Variants in STK24 observed in about 807,000 individuals in gnomAD.
STK24 encodes the protein serine/threonine kinase 24, also known as serine/threonine-protein kinase 24.
A neutral mutation model predicts 55.6 loss-of-function variants in STK24; 21 were observed. The observed-to-expected ratio is 0.38, with a 90% CI of 0.27 to 0.54. The LOEUF (loss-of-function observed/expected upper bound fraction) is 0.54, where lower values mean the gene tolerates loss of function less well. Ranked by LOEUF, STK24 falls within the 20% of genes least tolerant of loss-of-function variation. The pLI, the probability that STK24 is intolerant of heterozygous loss-of-function variation, is 0.79. For missense variants in STK24, 383 were observed against 538.4 expected (o/e 0.71, Z 2.86); for synonymous variants, 200 against 215.2 (o/e 0.93, Z 0.62).
chr13:98,556,537 A>AACAACAAC (rs368041073), intron 1 of STK24, among the ~76,000 whole-genome samples: 7 of 152,132 alleles, frequency 4.6e-5, no homozygotes, highest in South Asian at 4.1e-4. Context: ...ACAACAACAA[A>AACAACAAC]AAAATCACTG....
chr13:98,576,151 C>G, intron 1 of STK24: 4 of 985,240 alleles, frequency 4.1e-6, no homozygotes, highest in Non-Finnish European at 4.8e-6. Context: ...TCCCCCGGTC[C>G]GCAGGTGCAC....
chr13:98,576,044 T>G (rs1024901243), intron 1 of STK24: 1 of 984,820 alleles, frequency 1.0e-6, no homozygotes, highest in African/African-American at 1.8e-5. Flanking sequence ...CAACCAAGTC[T>G]CAAAGTGAAA....
At chr13:98,483,295 G>A (rs183015273) in intron 2 of STK24, among the ~76,000 whole-genome samples, 12 of 152,264 alleles carry the variant, frequency 7.9e-5, no homozygotes, top group East Asian at 1.9e-4. Flanking sequence ...GGCACGGGAC[G>A]CCACCGCCAG....
Position 98,500,143 on chromosome 13 carries a change from A to T in STK24, c.274-17822T>A, listed in dbSNP as rs553041902. ...AAACAAAACCATTTAAAACATTAAT[A>T]TGCTATTTCAGGAATTGCCTTTTAT... is the stretch of plus-strand genomic sequence containing the variant. On this transcript the variant is annotated intron_variant, in intron 2 of 10. Coordinates refer to ENST00000539966, the MANE Select transcript of STK24 (RefSeq NM_001032296.4). Among the ~76,000 whole-genome samples, 10 of 152,358 alleles carry T rather than the reference A, an allele frequency of 6.6e-5. No homozygotes were observed. In the South Asian group the frequency reaches 1.9e-3, roughly 28 times the overall value.
At chr13:98,519,163 C>T (rs1221568509) in intron 2 of STK24, 80 bp downstream of exon 2, 1 of 1,141,520 alleles carries the variant, frequency 8.8e-7, no homozygotes, top group Non-Finnish European at 1.3e-6. Flanking sequence ...GTGCTTTGTC[C>T]TATCAGAGTC....
At chr13:98,569,046 C>T (rs1460926987) in intron 1 of STK24, among the ~76,000 whole-genome samples, 2 of 152,020 alleles carry the variant, frequency 1.3e-5, no homozygotes, top group Non-Finnish European at 2.9e-5. Context: ...GTATCTGTCA[C>T]GAGAAACGAA....
intron 1 of STK24, among the ~76,000 whole-genome samples, chr13:98,571,063 C>A (rs1471339660): frequency 6.6e-6 from 1 of 152,206 alleles, no homozygotes; most frequent in African/African-American, 2.4e-5. Context: ...AAGGGCAGCT[C>A]TGAATCATCG....
At chr13:98,499,367 G>A (rs749691431) in intron 2 of STK24, among the ~76,000 whole-genome samples, 1 of 152,154 alleles carries the variant, frequency 6.6e-6, no homozygotes, top group Non-Finnish European at 1.5e-5. Context: ...CAGGTCAGTC[G>A]GGTGGGGATG....
chr13:98,491,384 G>A (rs1895026397), intron 2 of STK24, among the ~76,000 whole-genome samples: 1 of 152,224 alleles, frequency 6.6e-6, no homozygotes, highest in South Asian at 2.1e-4. Context: ...GCAGGAAGAA[G>A]TGCTTCAAAG....
chr13:98,568,550 A>C (rs1256220667), intron 1 of STK24, among the ~76,000 whole-genome samples: 4 of 152,166 alleles, frequency 2.6e-5, no homozygotes, highest in Non-Finnish European at 5.9e-5. Context: ...ACACAGCCGG[A>C]AGCAGAGGCA....
chr13:98,527,154 C>A (rs975571220), intron 1 of STK24, among the ~76,000 whole-genome samples: 1 of 152,166 alleles, frequency 6.6e-6, no homozygotes, highest in Admixed American at 6.5e-5. Flanking sequence ...CTGAGAATAA[C>A]TGAAAAATCA....
Position 98,519,493 on chromosome 13 carries a change from A to G in STK24, c.43-20T>C. ...TAGGTTCTGTAGAGAGAAGGAAGAG[A>G]AAAGGGAAACTTTAGTCCCTCATAG... On this transcript the variant is annotated intron_variant, in intron 1 of 10. Coordinates refer to ENST00000539966, the MANE Select transcript of STK24 (RefSeq NM_001032296.4). The G allele has an allele frequency of 1.9e-6, 3 of 1,604,892 alleles. No individual in the cohort carries two copies. Among genetic ancestry groups the G allele is most frequent in the Non-Finnish European group, 2.6e-6 (3 of 1,172,720 alleles).
At chr13:98,469,173 A>G (rs1046094187) in intron 5 of STK24, among the ~76,000 whole-genome samples, 1 of 151,700 alleles carries the variant, frequency 6.6e-6, no homozygotes, top group African/African-American at 2.4e-5. Context: ...CACTGAGAAA[A>G]CCCCTGCTGG....
intron 2 of STK24, among the ~76,000 whole-genome samples, chr13:98,492,512 C>T (rs543628558): frequency 1.1e-4 from 17 of 152,356 alleles, no homozygotes; most frequent in African/African-American, 3.8e-4. Flanking sequence ...CCACCCCTAG[C>T]AATCCTCAGG....
At chr13:98,576,072 CGGGCCCGGGACCCTGGTGCGCGGCT>C in intron 1 of STK24, 3 of 984,940 alleles carry the variant, frequency 3.0e-6, no homozygotes, top group Non-Finnish European at 3.6e-6. Context: ...GTCCCGGGGC[CGGGCCCGGGACCCTGGTGCGCGGCT>C]GTCCGAGGGA....
intron 1 of STK24, among the ~76,000 whole-genome samples, chr13:98,550,219 GCTTT>G (rs547371501): frequency 7.9e-4 from 121 of 152,324 alleles, no homozygotes; most frequent in African/African-American, 2.8e-3. Context: ...AGCAGTAAAA[GCTTT>G]CTTGTTTCTT....
At chr13:98,546,166 C>G (rs532012360) in intron 1 of STK24, among the ~76,000 whole-genome samples, 1 of 152,292 alleles carries the variant, frequency 6.6e-6, no homozygotes, top group South Asian at 2.1e-4. Flanking sequence ...TGGGGTCCAC[C>G]TGATGCCTAG....
Position 98,469,497 on chromosome 13 carries a change from G to A in STK24, c.598-2936C>T, listed in dbSNP as rs906180403. Reference sequence around the variant, plus strand: ...CTGGGAGGAAGAAGTTGCAGTGAGCGAGATCATAAGTCTGGGTGACAGAGC... The same window carrying A: ...CTGGGAGGAAGAAGTTGCAGTGAGCAAGATCATAAGTCTGGGTGACAGAGC... On this transcript the variant is annotated intron_variant, in intron 5 of 10. Coordinates refer to ENST00000539966, the MANE Select transcript of STK24 (RefSeq NM_001032296.4). Among the ~76,000 whole-genome samples the A allele has an allele frequency of 5.9e-5, 9 of 151,354 alleles. No homozygotes were observed. The East Asian group carries it at 1.6e-3, about 26-fold the overall frequency.
In STK24 at chr13:98,523,851, G is replaced by A. The variant is rs186223842; in HGVS notation, c.43-4378C>T. 3.9e-5 allele frequency among the ~76,000 whole-genome samples: 6 copies of A among 152,356 alleles called. No individual in the cohort carries two copies. The East Asian group carries it at 9.6e-4, about 24-fold the overall frequency. ...ACTAATACAGAAACTGATGCTAGAA[G>A]CTGGGCACTGCCCCAGCGGAGGCCC... On this transcript the variant is annotated intron_variant, in intron 1 of 10. Transcript: ENST00000539966.
Sources: allele counts gnomAD v4.1 joint callset (sites outside exome capture counted in the v4.1 genomes callset), GRCh38; gene constraint gnomAD v4.1.1; transcripts MANE v1.5; gene names NCBI Gene and HGNC (gene_info 2026-07-23, HGNC 2026-07-21).